Variants in GALNT9 observed in about 807,000 individuals in gnomAD.
The protein encoded by GALNT9 is polypeptide N-acetylgalactosaminyltransferase 9, also known as GalNAc transferase 9.
A neutral mutation model predicts 63.1 loss-of-function variants in GALNT9; 47 were observed. That is an observed-to-expected ratio of 0.75 (90% CI 0.59 to 0.95). The LOEUF is 0.95. Ranked by LOEUF, GALNT9 falls within the 40% of genes least tolerant of loss-of-function variation. The pLI is 0.00. For synonymous variants in GALNT9, 396 were observed against 365.7 expected (o/e 1.08, Z -0.94); for missense variants, 829 against 874.8 (o/e 0.95, Z 0.66).
intron 4 of GALNT9, among the ~76,000 whole-genome samples, chr12:132,258,197 G>A (rs1452226855): frequency 6.6e-6 from 1 of 152,156 alleles, no homozygotes; most frequent in African/African-American, 2.4e-5. Context: ...GTCCATAAGA[G>A]GTCAGCTATG....
intron 2 of GALNT9, chr12:132,278,975 C>G (rs961282098): frequency 6.7e-6 from 1 of 150,308 alleles, no homozygotes; most frequent in East Asian, 1.9e-4. Flanking sequence ...TGCCCCATCA[C>G]CCAGCCCAGC....
intron 6 of GALNT9, among the ~76,000 whole-genome samples, chr12:132,230,284 G>T (rs1461589832): frequency 6.6e-6 from 1 of 152,172 alleles, no homozygotes; most frequent in Non-Finnish European, 1.5e-5. Flanking sequence ...CGCCACACAG[G>T]ACAGCATCCG....
At position 132,327,132 on chromosome 12, in the gene GALNT9, C is replaced by T. The variant is rs971446663; in HGVS notation, c.238+1834G>A. On this transcript the variant is annotated intron_variant, in intron 1 of 10. Transcript: ENST00000328957. This position sits in a 1 kb window ranked among gnomAD's most constrained non-coding sequence, Gnocchi z 4.3. ...AGGCAGACAGATGGCAGGGGCCGTT[C>T]GGAGAAAGGCTGACAAGGGAGGACA... Among the ~76,000 whole-genome samples, 3 of 151,704 alleles carry T rather than the reference C, an allele frequency of 2.0e-5. No homozygotes were observed. Among genetic ancestry groups the T allele is most frequent in the Non-Finnish European group, 2.9e-5 (2 of 67,974 alleles).
At chr12:132,293,362 T>A (rs1880931753) in intron 1 of GALNT9, among the ~76,000 whole-genome samples, 1 of 152,234 alleles carries the variant, frequency 6.6e-6, no homozygotes, top group Non-Finnish European at 1.5e-5. Flanking sequence ...GGCCACAGGC[T>A]TTCCCCAGCC....
At chr12:132,290,316 C>A (rs868943981) in intron 1 of GALNT9, among the ~76,000 whole-genome samples, 1 of 152,150 alleles carries the variant, frequency 6.6e-6, no homozygotes, top group South Asian at 2.1e-4. Flanking sequence ...CCATGCAGAG[C>A]GGACCGGCCA....
At chr12:132,326,806 A>G (rs1361996818) in intron 1 of GALNT9, among the ~76,000 whole-genome samples, 1 of 152,248 alleles carries the variant, frequency 6.6e-6, no homozygotes, top group Non-Finnish European at 1.5e-5. Flanking sequence ...CGCCTCCTCC[A>G]GGGAGCTTCT....
intron 6 of GALNT9, among the ~76,000 whole-genome samples, chr12:132,240,987 AC>A (rs1565996195): frequency 2.5e-5 from 3 of 117,842 alleles, no homozygotes; most frequent in Non-Finnish European, 5.1e-5. Flanking sequence ...CACACGCCAC[AC>A]CCCCTTCCCG....
chr12:132,240,270 T>A (rs1878196413), intron 6 of GALNT9, among the ~76,000 whole-genome samples: 1 of 152,072 alleles, frequency 6.6e-6, no homozygotes, highest in Admixed American at 6.5e-5. Flanking sequence ...GGCGCCGCCA[T>A]CGGGCTGGGG....
intron 6 of GALNT9, among the ~76,000 whole-genome samples, chr12:132,216,720 A>G (rs1351403961): frequency 6.6e-6 from 1 of 152,216 alleles, no homozygotes; most frequent in Non-Finnish European, 1.5e-5. Flanking sequence ...TGGGATGCCC[A>G]CTCACAAGAC....
chr12:132,208,400 C>T (rs1020227433), intron 6 of GALNT9, among the ~76,000 whole-genome samples: 21 of 152,332 alleles, frequency 1.4e-4, no homozygotes, highest in Middle Eastern at 3.4e-3. Context: ...CGCCTTCTGG[C>T]GTCTGTGTGT....
rs534241169 is a variant in GALNT9, at chr12:132,248,627, C to CTG, written c.960-602_960-601dup. 1.8e-3 allele frequency among the ~76,000 whole-genome samples: 279 copies of CTG among 152,366 alleles called. 10 individuals carry two copies. In the South Asian group the frequency reaches 0.055, roughly 30 times the overall value. Reference sequence around the variant, plus strand: ...GGACTGCAATGGGCAGTTGCGTAGGCTGTGCACTGCTCAACTCCACAGAAC... The same window carrying CTG: ...GGACTGCAATGGGCAGTTGCGTAGGCTGTGTGCACTGCTCAACTCCACAGAAC... On this transcript the variant is annotated intron_variant, in intron 5 of 10. Transcript: ENST00000328957.
intron 1 of GALNT9, among the ~76,000 whole-genome samples, chr12:132,288,385 C>T (rs56896952): frequency 0.015 from 2,254 of 152,364 alleles, 46 homozygotes; most frequent in African/African-American, 0.05. Flanking sequence ...ATCACTTCCC[C>T]TTCTTATTTT....
At chr12:132,322,690 T>G (rs180760069) in intron 1 of GALNT9, among the ~76,000 whole-genome samples, 1 of 152,096 alleles carries the variant, frequency 6.6e-6, no homozygotes, top group East Asian at 1.9e-4. Context: ...TCTGCGAGGA[T>G]GGAGGTGGGA....
At chr12:132,222,959 C>A (rs1203998841) in intron 6 of GALNT9, among the ~76,000 whole-genome samples, 6 of 143,180 alleles carry the variant, frequency 4.2e-5, no homozygotes, top group African/African-American at 1.0e-4. Flanking sequence ...CAACTCACAC[C>A]CCACACAACC....
chr12:132,225,648 T>C (rs1273800222), intron 6 of GALNT9, among the ~76,000 whole-genome samples: 37 of 118,058 alleles, frequency 3.1e-4, no homozygotes, highest in Middle Eastern at 7.9e-3. Context: ...ACACACTGTA[T>C]ATACACACCC....
chr12:132,255,855 C>T (rs954636951), intron 5 of GALNT9, among the ~76,000 whole-genome samples: 2 of 152,110 alleles, frequency 1.3e-5, no homozygotes, highest in African/African-American at 2.4e-5. Flanking sequence ...TGCGCCTTTG[C>T]GATCTTCACG....
intron 6 of GALNT9, among the ~76,000 whole-genome samples, chr12:132,231,183 A>G (rs1408745629): frequency 3.2e-5 from 2 of 62,530 alleles, no homozygotes; most frequent in Admixed American, 3.7e-4. Context: ...CGATGGGGCG[A>G]CAGAGGAGAC....
intron 1 of GALNT9, among the ~76,000 whole-genome samples, chr12:132,311,610 T>C (rs28510816): frequency 0.058 from 8,873 of 152,238 alleles, 816 homozygotes; most frequent in African/African-American, 0.2. Context: ...AGAGAGCAGA[T>C]GTGGACTCCA....
At chr12:132,215,051 G>A (rs900070449) in intron 6 of GALNT9, among the ~76,000 whole-genome samples, 8 of 152,354 alleles carry the variant, frequency 5.3e-5, no homozygotes, top group East Asian at 3.9e-4. Context: ...GCCTGTCAGC[G>A]TCCTCACCTG....
Sources: gnomAD v4.1 joint callset for allele counts (sites outside exome capture counted in the v4.1 genomes callset) on GRCh38, gnomAD v4.1.1 for gene constraint, Gnocchi (gnomAD v3.1) non-coding constraint, MANE v1.5 for transcripts, NCBI Gene and HGNC (gene_info 2026-07-23, HGNC 2026-07-21) for gene names.